The following KRT71 variants were observed in gnomAD, a reference collection of about 807,000 sequenced individuals.
The protein encoded by KRT71 is keratin, type II cytoskeletal 71.
KRT71 carries 42 observed loss-of-function variants against 46.2 expected under a neutral mutation model. That is an observed-to-expected ratio of 0.91 (90% CI 0.71 to 1.18). The LOEUF (loss-of-function observed/expected upper bound fraction) is 1.18. KRT71 is among the 50% of genes most tolerant of loss of function. The probability of loss-of-function intolerance (pLI) is 0.00; values close to 1 mark genes in which losing one functional copy is unlikely to be tolerated. For missense variants in KRT71, 708 were observed against 677.9 expected (o/e 1.04, Z -0.49); for synonymous variants, 292 against 277.8 (o/e 1.05, Z -0.51).
intron 2 of KRT71, 148 bp downstream of exon 2, chr12:52,549,881 C>T (rs1939133783): frequency 1.1e-6 from 1 of 885,500 alleles, no homozygotes; most frequent in Admixed American, 2.5e-5. Flanking sequence ...GAGCAAGTTC[C>T]AGAGTTTTGT....
At chr12:52,545,461 C>T (rs575283900) in intron 8 of KRT71, 104 bp downstream of exon 8, 1 of 697,046 alleles carries the variant, frequency 1.4e-6, no homozygotes, top group African/African-American at 1.8e-5. Flanking sequence ...AAAGCTTTTC[C>T]CTCTCTGGTT....
At chr12:52,548,377 C>A (rs1026595715) in intron 4 of KRT71, 61 bp from the exon 5 acceptor site, 7 of 1,545,644 alleles carry the variant, frequency 4.5e-6, no homozygotes, top group Non-Finnish European at 6.2e-6. Flanking sequence ...ACCACCACCC[C>A]CAAACAAGAT....
intron 4 of KRT71, among the ~76,000 whole-genome samples, 158 bp downstream of exon 4, chr12:52,548,543 T>C (rs951589165): frequency 3.3e-5 from 5 of 152,080 alleles, no homozygotes; most frequent in Admixed American, 6.5e-5. Context: ...CCACTCAGAG[T>C]GTGCAGACCT....
rs548152119 is a variant in KRT71 at position 52,551,919 on chromosome 12, G to C, written c.441+718C>G. ...CCCACATTCCAGAGATAAGAAATGA[G>C]AGTCACAATCACAATCATTTTTGGA... On this transcript the variant is annotated intron_variant, in intron 1 of 8. Coordinates refer to ENST00000267119, the MANE Select transcript of KRT71 (RefSeq NM_033448.3). Among the ~76,000 whole-genome samples the C allele has an allele frequency of 6.6e-5, 10 of 152,318 alleles. No homozygotes were observed. In the South Asian group the frequency reaches 1.9e-3, roughly 29 times the overall value.
In KRT71 at chr12:52,545,519, AG is replaced by A. The variant is rs766961086; in HGVS notation, c.1360+45del. The A allele has an allele frequency of 4.7e-6, 6 of 1,265,082 alleles. No homozygotes were observed. In the South Asian group the frequency reaches 7.6e-5, roughly 16 times the overall value. 78.4% of individuals were successfully genotyped at this position (1,265,082 alleles called of 1,614,324 possible). ...AGAGGGTGTCACTAAGGTCCTTTCC[AG>A]GCTGCAGATTTTACAATTTTAGGTG... On this transcript the variant is annotated intron_variant, in intron 8 of 8. Transcript: ENST00000267119.
At chr12:52,549,763 G>C (rs997616595) in intron 2 of KRT71, among the ~76,000 whole-genome samples, 2 of 152,150 alleles carry the variant, frequency 1.3e-5, no homozygotes, top group African/African-American at 4.8e-5. Context: ...GAACGTGAGT[G>C]GTTTCCCCAA....
chr12:52,547,616 G>A (rs1034147681), intron 6 of KRT71, among the ~76,000 whole-genome samples: 4 of 152,188 alleles, frequency 2.6e-5, no homozygotes, highest in African/African-American at 9.7e-5. Flanking sequence ...CTGGGGGAAG[G>A]TCTTAGCCCA....
rs752212527 is a variant in KRT71 at position 52,545,557 on chromosome 12, ATACT to A, written c.1360+4_1360+7del. Reference sequence around the variant, plus strand: ...TACAATTTTAGGTGAAAGTATACAAATACTTACAGATGCTGACAGGGGAGGGAAA... The same window carrying A: ...TACAATTTTAGGTGAAAGTATACAAATACAGATGCTGACAGGGGAGGGAAA... On this transcript the variant is annotated splice_donor_5th_base_variant and intron_variant, in intron 8 of 8. Coordinates refer to ENST00000267119, the MANE Select transcript of KRT71 (RefSeq NM_033448.3). The A allele has an allele frequency of 7.1e-6, 11 of 1,541,120 alleles. No individual in the cohort carries two copies. Among genetic ancestry groups the A allele is most frequent in the Non-Finnish European group, 8.9e-6 (10 of 1,117,836 alleles).
At chr12:52,548,111 G>T (rs201054273) in intron 5 of KRT71, 41 bp downstream of exon 5, 3 of 1,605,980 alleles carry the variant, frequency 1.9e-6, no homozygotes, top group Non-Finnish European at 2.6e-6. Context: ...TCTGCTGCCC[G>T]CTGGCATCAC....
At chr12:52,547,025 C>T (rs1485708500) in intron 6 of KRT71, among the ~76,000 whole-genome samples, 3 of 152,194 alleles carry the variant, frequency 2.0e-5, no homozygotes, top group African/African-American at 4.8e-5. Flanking sequence ...CGCATTTAGT[C>T]CTTGCAACAC....
Position 52,550,124 on chromosome 12 carries a change from G to A in KRT71, c.561C>T (p.Asn187=). Residue 187 remains asparagine, a synonymous_variant, in exon 2 of 9, where the codon AAC becomes AAT. Coordinates refer to ENST00000267119, the MANE Select transcript of KRT71 (RefSeq NM_033448.3). The part of the protein sequence containing the change: ...LEPILEGYIS[N]LRKQLETLSG... ...ACAGCGTCTCCAGCTGCTTCCGCAG[G>A]TTGCTGATGTAGCCCTCGAGGATGG... 4 of 1,614,154 alleles carry A rather than the reference G, an allele frequency of 2.5e-6. No homozygotes were observed. The highest frequency in any genetic ancestry group is 3.4e-6 in the Non-Finnish European group (4 of 1,180,038).
In KRT71 at chr12:52,543,932, T is replaced by C; in HGVS notation, c.*600A>G. 1 of 156,830 alleles carries C rather than the reference T, an allele frequency of 6.4e-6. No homozygotes were observed. The highest frequency in any genetic ancestry group is 1.9e-4 in the East Asian group (1 of 5,292). 9.7% of individuals were successfully genotyped at this position (156,830 alleles called of 1,614,324 possible). On this transcript the variant is annotated 3_prime_UTR_variant, in exon 9 of 9. Transcript: ENST00000267119. The stretch of plus-strand genomic sequence containing the variant: ...CATGAGATTGTGCTGTTTATTGAGG[T>C]TGCAACAGAGGAAGGCCATTAAGAA...
Position 52,552,659 on chromosome 12 carries a change from T to C in KRT71, c.419A>G (p.Lys140Arg), listed in dbSNP as rs768086274. The C allele has an allele frequency of 1.2e-6, 2 of 1,611,878 alleles. No individual in the cohort carries two copies. The highest frequency in any genetic ancestry group is 3.4e-5 in the Admixed American group (2 of 59,698). Residue 140 changes from lysine (K) to arginine (R), a missense_variant, in exon 1 of 9, where the codon AAG becomes AGG. Lys to Arg is a conservative substitution (Grantham distance 26, BLOSUM62 2). Coordinates refer to ENST00000267119, the MANE Select transcript of KRT71 (RefSeq NM_033448.3). Reference protein sequence around the residue: ...EREQIKALNNKFASFIDKVRF... With the variant: ...EREQIKALNNRFASFIDKVRF... ...CACCTTGTCGATGAAGGAGGCGAACTTGTTGTTCAGAGCCTTGATCTGCTC... is the reference window on the plus strand; with the variant it reads ...CACCTTGTCGATGAAGGAGGCGAACCTGTTGTTCAGAGCCTTGATCTGCTC...
rs114584661 is a variant in KRT71 at position 52,547,053 on chromosome 12, A to G, written c.1105-547T>C. On this transcript the variant is annotated intron_variant, in intron 6 of 8. Transcript: ENST00000267119. The stretch of plus-strand genomic sequence containing the variant: ...TGCAACACCCTGTGAAGTGAGCAGA[A>G]GTAACCTGTCCAAGATCACAAAGCA... Among the ~76,000 whole-genome samples the G allele has an allele frequency of 4.0e-3, 603 of 152,346 alleles. 6 individuals carry two copies. Among genetic ancestry groups the G allele is most frequent in the African/African-American group, 0.014 (569 of 41,586 alleles).
rs186416709 is a variant in KRT71 at position 52,546,275 on chromosome 12, G to A, written c.1325+11C>T. Reference sequence around the variant, plus strand: ...CCCTGGGGCCCTCCTGTCTGGGCACGCCCCGCCCACCTGCACTCCTCGCTC... The same window carrying A: ...CCCTGGGGCCCTCCTGTCTGGGCACACCCCGCCCACCTGCACTCCTCGCTC... On this transcript the variant is annotated intron_variant, in intron 7 of 8. Coordinates refer to ENST00000267119, the MANE Select transcript of KRT71 (RefSeq NM_033448.3). 2.1e-5 allele frequency: 34 copies of A among 1,613,538 alleles called. No individual in the cohort carries two copies. Among genetic ancestry groups the A allele is most frequent in the South Asian group, 7.7e-5 (7 of 91,056 alleles).
In KRT71 at chr12:52,550,247, G is replaced by A; in HGVS notation, c.442-4C>T. 6.2e-7 allele frequency: 1 copy of A among 1,613,992 alleles called. No homozygotes were observed. On this transcript the variant is annotated splice_polypyrimidine_tract_variant and splice_region_variant and intron_variant, in intron 1 of 8. Coordinates refer to ENST00000267119, the MANE Select transcript of KRT71 (RefSeq NM_033448.3). Reference sequence around the variant, plus strand: ...TCTGCTGCTCCAGGAACCGCACCTGGAACCCAGATCCCAGAAACTGCTGAA... The same window carrying A: ...TCTGCTGCTCCAGGAACCGCACCTGAAACCCAGATCCCAGAAACTGCTGAA...
chr12:52,544,868 C>A, intron 8 of KRT71, 125 bp from the exon 9 acceptor site: 1 of 759,684 alleles, frequency 1.3e-6, no homozygotes, highest in Non-Finnish European at 2.2e-6. Flanking sequence ...CTCCCTCTCC[C>A]TGGGGAGAAT....
At chr12:52,545,932 C>T (rs1447153838) in intron 7 of KRT71, among the ~76,000 whole-genome samples, 2 of 152,196 alleles carry the variant, frequency 1.3e-5, no homozygotes, top group African/African-American at 2.4e-5. Context: ...CCGGCACACC[C>T]CCAACAAGCT....
chr12:52,547,774 A>C, intron 6 of KRT71, 83 bp downstream of exon 6: 4 of 1,511,534 alleles, frequency 2.6e-6, no homozygotes, highest in Non-Finnish European at 3.6e-6. Context: ...GCGATCTGGG[A>C]GGCCCATGTT....
Sources: gnomAD v4.1 joint callset for allele counts (sites outside exome capture counted in the v4.1 genomes callset) on GRCh38, gnomAD v4.1.1 for gene constraint, MANE v1.5 for transcripts, NCBI Gene and HGNC (gene_info 2026-07-23, HGNC 2026-07-21) for gene names.